The following ALS2 variants were observed in gnomAD, a reference collection of about 807,000 sequenced individuals.
The protein encoded by ALS2 is alsin.
ALS2 carries 117 observed loss-of-function variants against 203.4 expected under a neutral mutation model. The ratio of observed to expected loss-of-function variants is 0.58; its 90% CI spans 0.50 to 0.67. The LOEUF is 0.67. Ranked by LOEUF, ALS2 falls within the 30% of genes least tolerant of loss-of-function variation. The probability of loss-of-function intolerance (pLI) is 0.00; values close to 1 mark genes in which losing one functional copy is unlikely to be tolerated. For synonymous variants in ALS2, 718 were observed against 725.9 expected (o/e 0.99, Z 0.17); for missense variants, 1,715 against 1,989.4 (o/e 0.86, Z 2.62).
chr2:201,710,133 G>T, intron 26 of ALS2, 95 bp from the exon 27 acceptor site: 1 of 1,440,998 alleles, frequency 6.9e-7, no homozygotes, highest in Non-Finnish European at 9.7e-7. Flanking sequence ...ACACACAATT[G>T]TCAAAATGTC....
At chr2:201,707,612 T>A (rs1689802114) in intron 28 of ALS2, among the ~76,000 whole-genome samples, 1 of 151,964 alleles carries the variant, frequency 6.6e-6, no homozygotes, top group African/African-American at 2.4e-5. Flanking sequence ...TTTATTTTTG[T>A]AGAGATGGGG....
intron 7 of ALS2, among the ~76,000 whole-genome samples, chr2:201,751,209 T>A (rs1693027683): frequency 6.6e-6 from 1 of 152,194 alleles, no homozygotes; most frequent in Non-Finnish European, 1.5e-5. Context: ...TATATTCATG[T>A]ATCTATTTGC....
intron 7 of ALS2, among the ~76,000 whole-genome samples, chr2:201,751,843 C>T (rs924232736): frequency 3.9e-5 from 6 of 152,254 alleles, no homozygotes; most frequent in Middle Eastern, 3.4e-3. Context: ...TCTTAGTTTT[C>T]TCCTACAAAT....
chr2:201,727,585 C>T (rs543006816), intron 16 of ALS2, 120 bp downstream of exon 16: 14 of 885,374 alleles, frequency 1.6e-5, no homozygotes, highest in African/African-American at 1.0e-4. Flanking sequence ...AGAGGTGGGC[C>T]TCATTATACA....
chr2:201,761,297 T>G lies in ALS2; in HGVS notation c.697A>C (p.Asn233His). 1 of 1,614,142 alleles carries G rather than the reference T, an allele frequency of 6.2e-7. No individual in the cohort carries two copies. Among genetic ancestry groups the G allele is most frequent in the Non-Finnish European group, 8.5e-7 (1 of 1,180,022 alleles). Reference protein sequence around the residue: ...QDLKPVPERCNQCSQLLITMT... With the variant: ...QDLKPVPERCHQCSQLLITMT... ...GTAATCAAGAGCTGGCTGCACTGGT[T>G]GCATCGTTCTGGGACTGGCTTCAGA... is the stretch of plus-strand genomic sequence containing the variant. Residue 233 changes from asparagine (N) to histidine (H), a missense_variant, in exon 4 of 34, where the codon AAC (asparagine) becomes CAC (histidine). Asn to His is a moderately conservative substitution (Grantham distance 68). Around this residue, in one of 3 missense-constraint regions of ALS2, gnomAD observed 476 missense variants for 539.3 expected, o/e 0.88. Transcript: ENST00000264276.
intron 23 of ALS2, among the ~76,000 whole-genome samples, chr2:201,721,615 A>T (rs952242611): frequency 6.6e-6 from 1 of 152,178 alleles, no homozygotes; most frequent in Non-Finnish European, 1.5e-5. Flanking sequence ...CATATACAAA[A>T]GTTATCTTAA....
At position 201,729,082 on chromosome 2, in the gene ALS2, G is replaced by A; in HGVS notation, c.2682C>T (p.Gly894=). 1 of 1,614,082 alleles carries A rather than the reference G, an allele frequency of 6.2e-7. No individual in the cohort carries two copies. Among genetic ancestry groups the A allele is most frequent in the Non-Finnish European group, 8.5e-7 (1 of 1,180,014 alleles). ...RKRKEAEYTL[G]FWKTFPGKMT... The stretch of plus-strand genomic sequence containing the variant: ...TTTTTCCGGGGAAGGTCTTCCAGAA[G>A]CCCAGTGTGTATTCTGCTTCCTTCC... The change falls in exon 14 of 34, where the codon GGC becomes GGT. Residue 894 remains glycine, a synonymous_variant. Transcript: ENST00000264276.
intron 19 of ALS2, among the ~76,000 whole-genome samples, chr2:201,726,235 C>T (rs534173462): frequency 4.1e-4 from 63 of 152,102 alleles, no homozygotes; most frequent in Non-Finnish European, 7.4e-4. Flanking sequence ...GAAAACATAG[C>T]CCCATTTTAA....
chr2:201,745,928 A>G (rs1217877845), intron 9 of ALS2, among the ~76,000 whole-genome samples: 1 of 152,116 alleles, frequency 6.6e-6, no homozygotes, highest in Non-Finnish European at 1.5e-5. Flanking sequence ...CAGCCTGGGC[A>G]ACAGAGCAAG....
chr2:201,738,887 G>A (rs1277617900), intron 11 of ALS2, 152 bp from the exon 12 acceptor site: 2 of 708,568 alleles, frequency 2.8e-6, no homozygotes, highest in Admixed American at 2.1e-5. Flanking sequence ...GGCAGGTTGT[G>A]TAATAATTAC....
intron 3 of ALS2, among the ~76,000 whole-genome samples, chr2:201,762,337 T>C (rs988887640): frequency 2.6e-5 from 4 of 152,260 alleles, no homozygotes; most frequent in African/African-American, 4.8e-5. Context: ...TTTATGCCTC[T>C]AGGCTGTACA....
chr2:201,768,899 C>T lies in ALS2; in HGVS notation c.-14G>A. 1.2e-6 allele frequency: 2 copies of T among 1,612,742 alleles called. No individual in the cohort carries two copies. Among genetic ancestry groups the T allele is most frequent in the South Asian group, 1.1e-5 (1 of 91,004 alleles). ...CTTTGAGTCCATCGGTCAGTGGGAA[C>T]ACTCCATCACCAAATCATTCCTTCT... On this transcript the variant is annotated 5_prime_UTR_variant, in exon 2 of 34. Coordinates refer to ENST00000264276, the MANE Select transcript of ALS2 (RefSeq NM_020919.4).
rs1689314144 is a variant in ALS2, at chr2:201,700,392, T to C, written c.*1459A>G. The stretch of plus-strand genomic sequence containing the variant: ...AGGGTGCTATAACTATTGGTTTACG[T>C]TTATTTTAAAGACAGAGATTTCTAA... On this transcript the variant is annotated 3_prime_UTR_variant, in exon 34 of 34. Coordinates refer to ENST00000264276, the MANE Select transcript of ALS2 (RefSeq NM_020919.4). 6.6e-6 allele frequency among the ~76,000 whole-genome samples: 1 copy of C among 152,222 alleles called. No individual in the cohort carries two copies.
chr2:201,704,098 G>A (rs1185998856), intron 33 of ALS2, 24 bp downstream of exon 33: 2 of 1,560,432 alleles, frequency 1.3e-6, no homozygotes, highest in South Asian at 2.2e-5. Context: ...AGATAAGAAA[G>A]TATTAAATAA....
At chr2:201,779,729 G>A (rs1489671989) in intron 1 of ALS2, among the ~76,000 whole-genome samples, 1 of 152,192 alleles carries the variant, frequency 6.6e-6, no homozygotes, top group African/African-American at 2.4e-5. Flanking sequence ...AGAGAACTGA[G>A]GCAGAGAGAT....
rs759206593 is a variant in ALS2, at chr2:201,705,186, C to T, written c.4641G>A (p.Thr1547=). The change falls in exon 31 of 34, where the codon ACG becomes ACA. Residue 1547 remains threonine, a synonymous_variant. Transcript: ENST00000264276. The part of the protein sequence containing the change: ...LGESKKVLPT[T]KDACFASAVE... ...CTGCTGAGGCAAAACAAGCATCTTT[C>T]GTGGTTGGCAAAACCTGCAAAAAAG... 7.2e-5 allele frequency: 117 copies of T among 1,613,944 alleles called. No homozygotes were observed. The highest frequency in any genetic ancestry group is 9.2e-5 in the Non-Finnish European group (109 of 1,179,984).
chr2:201,765,928 C>T (rs1471870727), intron 3 of ALS2: 2 of 166,082 alleles, frequency 1.2e-5, no homozygotes, highest in Admixed American at 1.3e-4. Context: ...ACTTCAATAG[C>T]TGTGTGTGCT....
rs1197171901 is a variant in ALS2 at position 201,727,335 on chromosome 2, C to T, written c.2913-57G>A. The T allele has an allele frequency of 3.0e-6, 4 of 1,352,450 alleles. No homozygotes were observed. The East Asian group carries it at 6.9e-5, about 23-fold the overall frequency. The allele number at this position is 1,352,450 out of a possible 1,614,324, so 83.8% of individuals were successfully genotyped here. ...ATTTAACAACCTGTCATTACAGTAT[C>T]GATCCTCAAATATGAAAAGCAACCT... On this transcript the variant is annotated intron_variant, in intron 16 of 33. Transcript: ENST00000264276.
intron 1 of ALS2, among the ~76,000 whole-genome samples, chr2:201,772,755 GTTTCT>G (rs765136296): frequency 8.6e-5 from 13 of 150,862 alleles, no homozygotes; most frequent in Admixed American, 6.6e-4. Flanking sequence ...ACTTAACTTG[GTTTCT>G]TTTATGTACT....
Sources: allele counts gnomAD v4.1 joint callset (sites outside exome capture counted in the v4.1 genomes callset), GRCh38; gene constraint gnomAD v4.1.1; regional missense constraint gnomAD v4.1.1; transcripts MANE v1.5; gene names NCBI Gene and HGNC (gene_info 2026-07-23, HGNC 2026-07-21).